The following GINS1 variants were observed in gnomAD, a reference collection of about 807,000 sequenced individuals.
GINS1 encodes DNA replication complex GINS protein PSF1.
GINS1 carries 26 observed loss-of-function variants against 34.9 expected under a neutral mutation model. The observed-to-expected ratio is 0.74, with a 90% CI of 0.55 to 1.03. The LOEUF (loss-of-function observed/expected upper bound fraction) is 1.03, where lower values mean the gene tolerates loss of function less well. Ranked by LOEUF, GINS1 falls within the 50% of genes least tolerant of loss-of-function variation. The pLI, the probability that GINS1 is intolerant of heterozygous loss-of-function variation, is 0.00. For missense variants in GINS1, 235 were observed against 237.9 expected (o/e 0.99, Z 0.08); for synonymous variants, 97 against 84.4 (o/e 1.15, Z -0.82).
At position 25,417,166 on chromosome 20, in the gene GINS1, C is replaced by T; in HGVS notation, c.203C>T (p.Ser68Phe). The change falls in exon 3 of 7, where the codon TCT (serine) becomes TTT (phenylalanine). Residue 68 changes from serine to phenylalanine, a missense_variant. Transcript: ENST00000262460. ...CCAACTATCAAATTTCGACACTGTTCTCTGTTAAGAAATCGACGCTGCACT... is the reference window on the plus strand; with the variant it reads ...CCAACTATCAAATTTCGACACTGTTTTCTGTTAAGAAATCGACGCTGCACT... Reference protein sequence around the residue: ...LIPTIKFRHCSLLRNRRCTVA... With the variant: ...LIPTIKFRHCFLLRNRRCTVA... 6.3e-7 allele frequency: 1 copy of T among 1,598,728 alleles called. No homozygotes were observed. Among genetic ancestry groups the T allele is most frequent in the Non-Finnish European group, 8.6e-7 (1 of 1,166,568 alleles).
chr20:25,415,545 C>T (rs141827351), intron 2 of GINS1, among the ~76,000 whole-genome samples: 52 of 152,066 alleles, frequency 3.4e-4, no homozygotes, highest in Admixed American at 1.6e-3. Flanking sequence ...ATTAGCCATG[C>T]GTGGTGGCGC....
Position 25,441,793 on chromosome 20 carries a change from G to C in GINS1, c.522+17G>C. Reference sequence around the variant, plus strand: ...AATAGCCAGGTATTTCTTATCTTCAGATTCTTTACTTTAAATCTTATGAGT... The same window carrying C: ...AATAGCCAGGTATTTCTTATCTTCACATTCTTTACTTTAAATCTTATGAGT... On this transcript the variant is annotated intron_variant, in intron 6 of 6. Coordinates refer to ENST00000262460, the MANE Select transcript of GINS1 (RefSeq NM_021067.5). 1 of 1,269,968 alleles carries C rather than the reference G, an allele frequency of 7.9e-7. No homozygotes were observed. The highest frequency in any genetic ancestry group is 1.1e-6 in the Non-Finnish European group (1 of 883,798). The allele number at this position is 1,269,968 out of a possible 1,614,324, so 78.7% of individuals were successfully genotyped here.
intron 2 of GINS1, among the ~76,000 whole-genome samples, chr20:25,415,850 A>C (rs1450221105): frequency 6.6e-6 from 1 of 152,180 alleles, no homozygotes; most frequent in Non-Finnish European, 1.5e-5. Context: ...AAATTGAGGA[A>C]TCAGGGAACT....
Position 25,413,786 on chromosome 20 carries a change from CT to C in GINS1, c.76-3del. 6.5e-7 allele frequency: 1 copy of C among 1,547,554 alleles called. No homozygotes were observed. The highest frequency in any genetic ancestry group is 8.9e-7 in the Non-Finnish European group (1 of 1,119,392). On this transcript the variant is annotated splice_region_variant and splice_polypyrimidine_tract_variant and intron_variant, in intron 1 of 6. Coordinates refer to ENST00000262460, the MANE Select transcript of GINS1 (RefSeq NM_021067.5). Reference sequence around the variant, plus strand: ...GGATTTCAATATCGGTTTATATGTTCTAGGAGGATGGACTCAGACAAGTTCT... The same window carrying C: ...GGATTTCAATATCGGTTTATATGTTCAGGAGGATGGACTCAGACAAGTTCT...
intron 6 of GINS1, among the ~76,000 whole-genome samples, chr20:25,442,107 A>G (rs181518669): frequency 2.6e-4 from 40 of 152,306 alleles, no homozygotes; most frequent in Non-Finnish European, 4.4e-4. Flanking sequence ...TCCTTTGTTC[A>G]TATAATTTAT....
rs146922331 is a variant in GINS1 at position 25,441,217 on chromosome 20, C to T, written c.448-485C>T. Among the ~76,000 whole-genome samples, 206 of 152,286 alleles carry T rather than the reference C, an allele frequency of 1.4e-3. 1 individual carries two copies. Among genetic ancestry groups the T allele is most frequent in the African/African-American group, 4.7e-3 (194 of 41,570 alleles). On this transcript the variant is annotated intron_variant, in intron 5 of 6. Coordinates refer to ENST00000262460, the MANE Select transcript of GINS1 (RefSeq NM_021067.5). Reference sequence around the variant, plus strand: ...GTCACGTGAGGTGGCATCTGCTCCTCCATGGTGTACTTGTAAGTATTCCTG... The same window carrying T: ...GTCACGTGAGGTGGCATCTGCTCCTTCATGGTGTACTTGTAAGTATTCCTG...
chr20:25,431,394 T>C (rs972623103), intron 5 of GINS1, among the ~76,000 whole-genome samples: 1 of 152,104 alleles, frequency 6.6e-6, no homozygotes, highest in African/African-American at 2.4e-5. Context: ...GTTTCTGTTC[T>C]TCATTTTATT....
chr20:25,446,876 A>C lies in GINS1; in HGVS notation c.*885A>C, dbSNP rs1277108468. ...GACATTTTAAATTTTGATGAAATCCAGTTTATTCGTTTGTTCTTTTATGCT... is the reference window on the plus strand; with the variant it reads ...GACATTTTAAATTTTGATGAAATCCCGTTTATTCGTTTGTTCTTTTATGCT... On this transcript the variant is annotated 3_prime_UTR_variant, in exon 7 of 7. Transcript: ENST00000262460. The C allele has an allele frequency of 1.3e-5, 2 of 152,196 alleles. No individual in the cohort carries two copies. Among genetic ancestry groups the C allele is most frequent in the African/African-American group, 4.8e-5 (2 of 41,466 alleles). The allele number at this position is 152,196 out of a possible 1,614,324, so 9.4% of individuals were successfully genotyped here. A position where few individuals can be genotyped will look rare whatever the true frequency, so the allele number is the denominator to read the frequency against.
At chr20:25,435,331 CTG>C (rs2090448258) in intron 5 of GINS1, among the ~76,000 whole-genome samples, 1 of 152,138 alleles carries the variant, frequency 6.6e-6, no homozygotes, top group Admixed American at 6.5e-5. Context: ...CAGGGTCTCA[CTG>C]TGTCAAGCAG....
chr20:25,445,970 C>A lies in GINS1; in HGVS notation c.570C>A (p.Val190=). ...WKCEQLIRQG[V]LEHILS ...GTGAGCAGCTGATCAGACAAGGAGTCCTGGAGCACATCCTGTCATGACCAT... is the reference window on the plus strand; with the variant it reads ...GTGAGCAGCTGATCAGACAAGGAGTACTGGAGCACATCCTGTCATGACCAT... Residue 190 remains valine (V), a synonymous_variant, in exon 7 of 7, where the codon GTC becomes GTA. Transcript: ENST00000262460. The A allele has an allele frequency of 1.2e-6, 2 of 1,610,978 alleles. No homozygotes were observed. Among genetic ancestry groups the A allele is most frequent in the Non-Finnish European group, 1.7e-6 (2 of 1,177,276 alleles).
chr20:25,411,049 G>A (rs1265929615), intron 1 of GINS1: 1 of 152,176 alleles, frequency 6.6e-6, no homozygotes, highest in Non-Finnish European at 1.5e-5. Context: ...AGGTCAAGGT[G>A]GAAGGAACAC....
chr20:25,420,385 G>A (rs979078869), intron 4 of GINS1, among the ~76,000 whole-genome samples: 1 of 151,954 alleles, frequency 6.6e-6, no homozygotes, highest in African/African-American at 2.4e-5. Flanking sequence ...GCCCACCTCA[G>A]CCTCCCAAAG....
intron 5 of GINS1, among the ~76,000 whole-genome samples, chr20:25,431,287 C>A (rs1225963269): frequency 2.0e-5 from 3 of 151,958 alleles, no homozygotes; most frequent in Non-Finnish European, 4.4e-5. Context: ...GTAATTTGAG[C>A]CTTCTTTTAT....
chr20:25,442,112 A>C (rs1055291099), intron 6 of GINS1, among the ~76,000 whole-genome samples: 1 of 152,318 alleles, frequency 6.6e-6, no homozygotes, highest in African/African-American at 2.4e-5. Context: ...TGTTCATATA[A>C]TTTATTCTAA....
chr20:25,411,727 G>C (rs970652457), intron 1 of GINS1, among the ~76,000 whole-genome samples: 1 of 152,044 alleles, frequency 6.6e-6, no homozygotes, highest in Non-Finnish European at 1.5e-5. Context: ...TGGATTGCCT[G>C]AGGTCAGGAG....
At chr20:25,445,339 G>T (rs577440746) in intron 6 of GINS1, among the ~76,000 whole-genome samples, 1 of 151,130 alleles carries the variant, frequency 6.6e-6, no homozygotes, top group Non-Finnish European at 1.5e-5. Flanking sequence ...GCGCCACCAC[G>T]CCTGGCTAAT....
chr20:25,433,903 T>G (rs6515651), intron 5 of GINS1, among the ~76,000 whole-genome samples: 86,427 of 151,946 alleles, frequency 0.57, 25,312 homozygotes, highest in African/African-American at 0.63. Context: ...AAAACAAAAT[T>G]TAGGGTTGCA....
At chr20:25,409,106 C>T in intron 1 of GINS1, 1 of 852,500 alleles carries the variant, frequency 1.2e-6, no homozygotes, top group Non-Finnish European at 1.4e-6. Flanking sequence ...GATGCTGCAG[C>T]ACAAAGTCAC....
intron 1 of GINS1, among the ~76,000 whole-genome samples, chr20:25,408,206 A>G (rs897523101): frequency 6.6e-6 from 1 of 152,226 alleles, no homozygotes; most frequent in Non-Finnish European, 1.5e-5. Context: ...TCAGGCATCT[A>G]ATCGTGGTCA....
Sources: gnomAD v4.1 joint callset for allele counts (sites outside exome capture counted in the v4.1 genomes callset) on GRCh38, gnomAD v4.1.1 for gene constraint, MANE v1.5 for transcripts, NCBI Gene and HGNC (gene_info 2026-07-23, HGNC 2026-07-21) for gene names.